CTDP1: variants seen among roughly 807,000 people sequenced by gnomAD.
CTDP1 encodes the protein RNA polymerase II subunit A C-terminal domain phosphatase.
A neutral mutation model predicts 91.8 loss-of-function variants in CTDP1; 47 were observed. The observed-to-expected ratio is 0.51, with a 90% CI of 0.41 to 0.65. The LOEUF is 0.65. CTDP1 is among the 30% of genes least tolerant of loss of function. The pLI, the probability that CTDP1 is intolerant of heterozygous loss-of-function variation, is 0.00. For synonymous variants in CTDP1, 656 were observed against 598.5 expected, an observed-to-expected ratio of 1.10 and a Z score of -1.40; for missense variants, 1,272 against 1,373.7, an observed-to-expected ratio of 0.93 and a Z score of 1.17.
rs2122925038 is a variant in CTDP1, at chr18:79,754,020, T to G, written c.*230T>G. 1 of 616,218 alleles carries G rather than the reference T, an allele frequency of 1.6e-6. No individual in the cohort carries two copies. Among genetic ancestry groups the G allele is most frequent in the East Asian group, 3.1e-5 (1 of 31,948 alleles). The allele number at this position is 616,218 out of a possible 1,614,324, so 38.2% of individuals were successfully genotyped here. A position where few individuals can be genotyped will look rare whatever the true frequency, so the allele number is the denominator to read the frequency against. On this transcript the variant is annotated 3_prime_UTR_variant, in exon 13 of 13. Transcript: ENST00000613122. ...ACAGGTGTTAAAGGCCCAGGTGTGC[T>G]GTGCCAAAGAGCTCAGCAGAGGCTC...
intron 1 of CTDP1, among the ~76,000 whole-genome samples, chr18:79,682,653 A>G (rs970890839): frequency 6.6e-6 from 1 of 152,218 alleles, no homozygotes; most frequent in Non-Finnish European, 1.5e-5. Flanking sequence ...TGTGGAGCCC[A>G]GCCTGTTTAT....
intron 1 of CTDP1, among the ~76,000 whole-genome samples, chr18:79,694,267 A>AC (rs2085693209): frequency 7.5e-6 from 1 of 133,742 alleles, no homozygotes; most frequent in African/African-American, 3.0e-5. Context: ...GGCTACAGGC[A>AC]CCTAGGGGTG....
At chr18:79,753,614 T>C (rs1202622034) in intron 12 of CTDP1, 38 bp from the exon 13 acceptor site, 1 of 1,613,870 alleles carries the variant, frequency 6.2e-7, no homozygotes, top group Non-Finnish European at 8.5e-7. Flanking sequence ...GTTGTGCGTT[T>C]GCCACAAGCA....
At chr18:79,681,347 A>G in intron 1 of CTDP1, 3 of 597,708 alleles carry the variant, frequency 5.0e-6, no homozygotes, top group Non-Finnish European at 4.2e-6. Context: ...GCCTCCCAGA[A>G]AATGCCTTCA....
chr18:79,698,835 C>T lies in CTDP1; in HGVS notation c.621+847C>T, dbSNP rs529463356. On this transcript the variant is annotated intron_variant, in intron 4 of 12. Transcript: ENST00000613122. Reference sequence around the variant, plus strand: ...ACCCAGCAGGCTGGAGGATGCACCACGGAGCCGGGCATCCTCCGCTGCTGA... The same window carrying T: ...ACCCAGCAGGCTGGAGGATGCACCATGGAGCCGGGCATCCTCCGCTGCTGA... 3.3e-5 allele frequency among the ~76,000 whole-genome samples: 5 copies of T among 152,278 alleles called. No homozygotes were observed. In the South Asian group the frequency reaches 8.3e-4, roughly 25 times the overall value.
rs752565114 is a variant in CTDP1 at position 79,714,584 on chromosome 18, A to G, written c.1124A>G (p.Asn375Ser). ...VTQAPGVEPSNGLEKPARELN... is the reference protein window; with the variant it reads ...VTQAPGVEPSSGLEKPARELN... The stretch of plus-strand genomic sequence containing the variant: ...CAGGCCCCTGGAGTGGAGCCCAGCA[A>G]TGGCCTGGAGAAGCCTGCACGGGAG... The change falls in exon 8 of 13, where the codon AAT (asparagine) becomes AGT (serine). Residue 375 changes from asparagine to serine, a missense_variant. This residue lies in a region of CTDP1 where 881 missense variants were observed against 911.6 expected (regional missense o/e 0.97). Transcript: ENST00000613122. 1.3e-5 allele frequency: 21 copies of G among 1,612,976 alleles called. No individual in the cohort carries two copies. Among genetic ancestry groups the G allele is most frequent in the South Asian group, 9.9e-5 (9 of 91,092 alleles).
chr18:79,744,733 G>C (rs1410164775), intron 12 of CTDP1, among the ~76,000 whole-genome samples: 1 of 152,232 alleles, frequency 6.6e-6, no homozygotes, highest in Admixed American at 6.5e-5. Context: ...ACCAGTGGCA[G>C]AAACTGACAA....
At chr18:79,716,156 C>T (rs1018774565) in intron 8 of CTDP1, among the ~76,000 whole-genome samples, 3 of 152,208 alleles carry the variant, frequency 2.0e-5, no homozygotes, top group African/African-American at 7.2e-5. Flanking sequence ...CTCCCATAAG[C>T]ACCTGGATTT....
intron 10 of CTDP1, among the ~76,000 whole-genome samples, chr18:79,722,901 C>T (rs2086374084): frequency 6.6e-6 from 1 of 152,168 alleles, no homozygotes; most frequent in Non-Finnish European, 1.5e-5. Flanking sequence ...TGGTCCCACC[C>T]TCCCTTTTCT....
chr18:79,723,782 C>T (rs2122703021), intron 10 of CTDP1, among the ~76,000 whole-genome samples: 1 of 152,290 alleles, frequency 6.6e-6, no homozygotes, highest in East Asian at 1.9e-4. Flanking sequence ...TCAGCCGCTT[C>T]CCCTTCCCTG....
intron 5 of CTDP1, among the ~76,000 whole-genome samples, chr18:79,708,666 CT>C (rs2086018059): frequency 6.6e-6 from 1 of 152,254 alleles, no homozygotes; most frequent in African/African-American, 2.4e-5. Flanking sequence ...ACCTCCTTTG[CT>C]TCATGCATAA....
rs4798910 is a variant in CTDP1, at chr18:79,733,587, G to A, written c.2581-2768G>A. ...CGGCGTCCGCTGCCTCTCCAGCTGCGTTACCTCGTTTCTGCGTGTTCTGCT... is the reference window on the plus strand; with the variant it reads ...CGGCGTCCGCTGCCTCTCCAGCTGCATTACCTCGTTTCTGCGTGTTCTGCT... On this transcript the variant is annotated intron_variant, in intron 11 of 12. Coordinates refer to ENST00000613122, the MANE Select transcript of CTDP1 (RefSeq NM_004715.5). 9.2e-5 allele frequency among the ~76,000 whole-genome samples: 14 copies of A among 151,872 alleles called. No homozygotes were observed. In the South Asian group the frequency reaches 2.7e-3, roughly 29 times the overall value.
intron 5 of CTDP1, among the ~76,000 whole-genome samples, chr18:79,705,767 T>C (rs1350116336): frequency 3.3e-5 from 5 of 152,224 alleles, no homozygotes; most frequent in Non-Finnish European, 5.9e-5. Context: ...TTGGTCTTAG[T>C]CTTTTGTTGT....
At chr18:79,730,694 T>A (rs1196436727) in intron 11 of CTDP1, among the ~76,000 whole-genome samples, 4 of 152,208 alleles carry the variant, frequency 2.6e-5, no homozygotes, top group Non-Finnish European at 5.9e-5. Flanking sequence ...CCTCCTTGAT[T>A]CTCTGTGAGT....
intron 12 of CTDP1, among the ~76,000 whole-genome samples, chr18:79,737,341 C>A (rs1016352698): frequency 3.3e-5 from 5 of 152,208 alleles, no homozygotes; most frequent in African/African-American, 4.8e-5. Flanking sequence ...AGAATCTTAA[C>A]CCTGTGTCTT....
intron 1 of CTDP1, among the ~76,000 whole-genome samples, chr18:79,683,940 G>A (rs890379073): frequency 1.3e-5 from 2 of 152,212 alleles, no homozygotes; most frequent in African/African-American, 4.8e-5. Context: ...ACCCACTGTT[G>A]TTCCTTTATC....
At chr18:79,723,157 C>T (rs1241983221) in intron 10 of CTDP1, among the ~76,000 whole-genome samples, 3 of 152,248 alleles carry the variant, frequency 2.0e-5, no homozygotes, top group African/African-American at 7.2e-5. Context: ...TGCCCTGCAG[C>T]CCAGTTCCCC....
At chr18:79,718,959 A>G (rs2086276456) in intron 10 of CTDP1, among the ~76,000 whole-genome samples, 1 of 152,160 alleles carries the variant, frequency 6.6e-6, no homozygotes, top group Admixed American at 6.5e-5. Flanking sequence ...GAGCCTTTGC[A>G]GGATCCAGCA....
Position 79,717,503 on chromosome 18 carries a change from G to A in CTDP1, c.2069-32G>A, listed in dbSNP as rs373315733. 21 of 1,610,402 alleles carry A rather than the reference G, an allele frequency of 1.3e-5. No homozygotes were observed. The African/African-American group carries it at 1.7e-4, about 13-fold the overall frequency. On this transcript the variant is annotated intron_variant, in intron 8 of 12. Coordinates refer to ENST00000613122, the MANE Select transcript of CTDP1 (RefSeq NM_004715.5). Reference sequence around the variant, plus strand: ...GGGCCCTGAGCCTCCAGTGCTGGCCGGAACAGCCTGACGCAGCCGGGTCTC... The same window carrying A: ...GGGCCCTGAGCCTCCAGTGCTGGCCAGAACAGCCTGACGCAGCCGGGTCTC...
Sources: allele counts gnomAD v4.1 joint callset (sites outside exome capture counted in the v4.1 genomes callset), GRCh38; gene constraint gnomAD v4.1.1; regional missense constraint gnomAD v4.1.1; transcripts MANE v1.5; gene names NCBI Gene and HGNC (gene_info 2026-07-23, HGNC 2026-07-21).